The following CAPN7 variants were observed in gnomAD, a reference collection of about 807,000 sequenced individuals.
CAPN7 encodes the protein calpain-7.
In CAPN7, 72 loss-of-function variants were observed where a neutral mutation model predicts 115.2. The ratio of observed to expected loss-of-function variants is 0.63; its 90% CI spans 0.52 to 0.76. The LOEUF (loss-of-function observed/expected upper bound fraction) is 0.76. Among genes scored for constraint, CAPN7 ranks in the 30% least tolerant of loss-of-function variants. The pLI is 0.00. For missense variants in CAPN7, 905 were observed against 971.5 expected (o/e 0.93, Z 0.91); for synonymous variants, 344 against 322.3 (o/e 1.07, Z -0.72).
chr3:15,213,476 A>G (rs960653844), intron 2 of CAPN7, among the ~76,000 whole-genome samples: 3 of 152,234 alleles, frequency 2.0e-5, no homozygotes, highest in Admixed American at 2.0e-4. Context: ...AGCATGCTAG[A>G]CTAAATGTTA....
At chr3:15,215,487 C>T (rs2045199040) in intron 2 of CAPN7, among the ~76,000 whole-genome samples, 1 of 152,216 alleles carries the variant, frequency 6.6e-6, no homozygotes, top group African/African-American at 2.4e-5. Flanking sequence ...TACCCATTAG[C>T]AGTCAATCCC....
rs777257185 is a variant in CAPN7 at position 15,240,480 on chromosome 3, G to A, written c.1415G>A (p.Arg472Gln). 1.4e-5 allele frequency: 23 copies of A among 1,609,662 alleles called. No individual in the cohort carries two copies. Among genetic ancestry groups the A allele is most frequent in the Non-Finnish European group, 1.8e-5 (21 of 1,179,170 alleles). ...TGTTTCTTTTTTATATAGGGGCTGC[G>A]ATTTATCCAGTTGAAAAATCCTTGG... ...VLDIREFKGL[R>Q]FIQLKNPWSH... is the part of the protein sequence containing the mutation. The change falls in exon 13 of 21, where the codon CGA (arginine) becomes CAA (glutamine). Residue 472 changes from arginine (R) to glutamine (Q), a missense_variant. Around this residue, in one of 3 missense-constraint regions of CAPN7, gnomAD observed 620 missense variants for 703.4 expected, o/e 0.88. Coordinates refer to ENST00000253693, the MANE Select transcript of CAPN7 (RefSeq NM_014296.3).
rs922920870 is a variant in CAPN7 at position 15,221,435 on chromosome 3, C to T, written c.638+454C>T. 8.8e-5 allele frequency among the ~76,000 whole-genome samples: 13 copies of T among 148,568 alleles called. No homozygotes were observed. In the East Asian group the frequency reaches 2.2e-3, roughly 25 times the overall value. ...CTCGAGCTCCTGACCTCAGGTGATT[C>T]GCCCACCTCGGCCTCCCAAAGTATT... On this transcript the variant is annotated intron_variant, in intron 5 of 20. Coordinates refer to ENST00000253693, the MANE Select transcript of CAPN7 (RefSeq NM_014296.3).
chr3:15,236,640 C>T (rs1424922271), intron 12 of CAPN7, among the ~76,000 whole-genome samples: 1 of 152,150 alleles, frequency 6.6e-6, no homozygotes, highest in Non-Finnish European at 1.5e-5. Flanking sequence ...TTACACAAAC[C>T]TAGATGGTAC....
intron 1 of CAPN7, among the ~76,000 whole-genome samples, chr3:15,208,233 G>T (rs2044741695): frequency 6.8e-6 from 1 of 148,060 alleles, no homozygotes; most frequent in Non-Finnish European, 1.5e-5. Context: ...TTTACAAACT[G>T]GTTTATACTG....
chr3:15,213,828 C>G (rs2045086601), intron 2 of CAPN7, among the ~76,000 whole-genome samples: 1 of 151,818 alleles, frequency 6.6e-6, no homozygotes, highest in African/African-American at 2.4e-5. Flanking sequence ...AATGAGACAC[C>G]CCAATCTCTT....
chr3:15,227,717 T>A, intron 6 of CAPN7, 122 bp from the exon 7 acceptor site: 1 of 471,086 alleles, frequency 2.1e-6, no homozygotes, highest in Non-Finnish European at 3.5e-6. Flanking sequence ...AAGGTTATTT[T>A]AAGATAATAC....
intron 12 of CAPN7, among the ~76,000 whole-genome samples, chr3:15,235,492 G>C (rs1413165039): frequency 6.6e-6 from 1 of 152,024 alleles, no homozygotes; most frequent in Non-Finnish European, 1.5e-5. Context: ...CTAAAGCAGT[G>C]GTCGCCAACC....
chr3:15,223,104 G>A lies in CAPN7; in HGVS notation c.639-371G>A, dbSNP rs145289391. Reference sequence around the variant, plus strand: ...CATAACCAGAAAACGTGAAGAGCATGTATTTCAGAATTGTTAATGTGTTTT... The same window carrying A: ...CATAACCAGAAAACGTGAAGAGCATATATTTCAGAATTGTTAATGTGTTTT... On this transcript the variant is annotated intron_variant, in intron 5 of 20. Coordinates refer to ENST00000253693, the MANE Select transcript of CAPN7 (RefSeq NM_014296.3). 6.7e-3 allele frequency among the ~76,000 whole-genome samples: 1,026 copies of A among 152,240 alleles called. 19 individuals carry two copies. The highest frequency in any genetic ancestry group is 0.024 in the African/African-American group (984 of 41,542).
intron 16 of CAPN7, among the ~76,000 whole-genome samples, chr3:15,244,084 A>G (rs138707802): frequency 7.0e-4 from 106 of 152,332 alleles, no homozygotes; most frequent in African/African-American, 2.5e-3. Flanking sequence ...TAAGGAAGCA[A>G]CTGTTGACAG....
chr3:15,214,395 G>A (rs1484262323), intron 2 of CAPN7, among the ~76,000 whole-genome samples: 1 of 152,140 alleles, frequency 6.6e-6, no homozygotes, highest in Non-Finnish European at 1.5e-5. Context: ...AGAGAGAGTT[G>A]ATTTTGGGGT....
intron 6 of CAPN7, among the ~76,000 whole-genome samples, chr3:15,226,097 A>G (rs1220068099): frequency 6.7e-6 from 1 of 150,142 alleles, no homozygotes; most frequent in East Asian, 1.9e-4. Flanking sequence ...ATTTTTTGAG[A>G]TGGAGTCTCA....
chr3:15,238,108 C>CTTTTTTTTTTTTTTT (rs34203410), intron 12 of CAPN7, among the ~76,000 whole-genome samples: 1 of 58,188 alleles, frequency 1.7e-5, no homozygotes, highest in Non-Finnish European at 3.0e-5. Flanking sequence ...ATTCTGACTT[C>CTTTTTTTTTTTTTTT]TTTTTTTTTT....
intron 12 of CAPN7, among the ~76,000 whole-genome samples, chr3:15,237,863 G>C (rs993681594): frequency 2.0e-5 from 3 of 151,908 alleles, no homozygotes; most frequent in Admixed American, 6.6e-5. Context: ...TGTAGTCCCA[G>C]CTAATTGGGA....
intron 20 of CAPN7, 21 bp downstream of exon 20, chr3:15,251,044 G>A (rs1452208034): frequency 3.1e-6 from 5 of 1,601,546 alleles, no homozygotes; most frequent in Non-Finnish European, 2.6e-6. Flanking sequence ...CATTTTTATT[G>A]TATCTATTTT....
intron 5 of CAPN7, among the ~76,000 whole-genome samples, chr3:15,222,012 A>AGTATAC (rs11277122): frequency 6.6e-6 from 1 of 151,562 alleles, no homozygotes; most frequent in Non-Finnish European, 1.5e-5. Context: ...ATACGTATAT[A>AGTATAC]GTATACGTAT....
chr3:15,241,146 A>G (rs537109263), intron 14 of CAPN7, among the ~76,000 whole-genome samples: 1 of 152,308 alleles, frequency 6.6e-6, no homozygotes, highest in South Asian at 2.1e-4. Context: ...TGGAGGTTGC[A>G]GTGAGCCAAG....
intron 1 of CAPN7, among the ~76,000 whole-genome samples, chr3:15,207,645 T>C (rs2044705203): frequency 6.6e-6 from 1 of 151,810 alleles, no homozygotes. Context: ...TTGTTTCTTT[T>C]TTTTTTTTTA....
In CAPN7 at chr3:15,252,497, T is replaced by C. The variant is rs1043462226; in HGVS notation, c.*1237T>C. On this transcript the variant is annotated 3_prime_UTR_variant, in exon 21 of 21. Coordinates refer to ENST00000253693, the MANE Select transcript of CAPN7 (RefSeq NM_014296.3). ...GCTTTCAGTTTTAGCCTATTAATTT[T>C]AGGTGGACAAATTTAACAAGTTTTC... 8 of 152,330 alleles carry C rather than the reference T, an allele frequency of 5.3e-5. No individual in the cohort carries two copies. Among genetic ancestry groups the C allele is most frequent in the Non-Finnish European group, 1.2e-4 (8 of 68,018 alleles). The allele number at this position is 152,330 out of a possible 1,614,324, so 9.4% of individuals were successfully genotyped here. A position where few individuals can be genotyped will look rare whatever the true frequency, so the allele number is the denominator to read the frequency against.
Sources: allele counts gnomAD v4.1 joint callset (sites outside exome capture counted in the v4.1 genomes callset), GRCh38; gene constraint gnomAD v4.1.1; regional missense constraint gnomAD v4.1.1; transcripts MANE v1.5; gene names NCBI Gene and HGNC (gene_info 2026-07-23, HGNC 2026-07-21).